The following DAPK1 variants were observed in gnomAD, a reference collection of about 807,000 sequenced individuals.
DAPK1 encodes the protein death-associated protein kinase 1.
DAPK1 carries 56 observed loss-of-function variants against 144.9 expected under a neutral mutation model. The observed-to-expected ratio is 0.39, with a 90% CI of 0.31 to 0.48. The LOEUF is 0.48. Ranked by LOEUF, DAPK1 falls within the 20% of genes least tolerant of loss-of-function variation. The pLI, the probability that DAPK1 is intolerant of heterozygous loss-of-function variation, is 0.95. For synonymous variants in DAPK1, 690 were observed against 749.0 expected (o/e 0.92, Z 1.29); for missense variants, 1,454 against 1,875.4 (o/e 0.78, Z 4.15).
chr9:87,613,626 G>A (rs559187373), intron 3 of DAPK1, among the ~76,000 whole-genome samples: 17 of 152,292 alleles, frequency 1.1e-4, no homozygotes, highest in African/African-American at 1.9e-4. Context: ...GATCAGAATC[G>A]CAAGAGCCTT....
At chr9:87,659,121 G>A (rs1329750530) in intron 18 of DAPK1, among the ~76,000 whole-genome samples, 4 of 152,330 alleles carry the variant, frequency 2.6e-5, no homozygotes, top group East Asian at 1.9e-4. Context: ...GGCCCTTGAC[G>A]GAAAATGTTT....
chr9:87,706,484 C>T lies in DAPK1; in HGVS notation c.3413C>T (p.Thr1138Ile). ...GVRIVPVEHL[T>I]PFPCGIFHKV... ...CGCATCGTGCCCGTGGAACACCTCA[C>T]CCCCTTCCCATGTGGCATCTTTCAC... Residue 1138 changes from threonine (T) to isoleucine (I), a missense_variant, in exon 26 of 26, where the codon ACC (threonine) becomes ATC (isoleucine). By Grantham distance (89) the Thr-to-Ile change is moderately conservative. Around this residue, in one of 2 missense-constraint regions of DAPK1, gnomAD observed 1,025 missense variants for 1,237.9 expected, o/e 0.83. Coordinates refer to ENST00000408954, the MANE Select transcript of DAPK1 (RefSeq NM_004938.4). This position sits in a 1 kb window ranked among gnomAD's most constrained non-coding sequence, Gnocchi z 9.0. 6.2e-7 allele frequency: 1 copy of T among 1,613,724 alleles called. No individual in the cohort carries two copies. The highest frequency in any genetic ancestry group is 2.2e-5 in the East Asian group (1 of 44,860).
intron 2 of DAPK1, among the ~76,000 whole-genome samples, chr9:87,564,386 C>G (rs538960129): frequency 6.6e-6 from 1 of 152,294 alleles, no homozygotes; most frequent in African/African-American, 2.4e-5. Flanking sequence ...TTTTTGTTAA[C>G]TGGGAAATGA....
At position 87,697,083 on chromosome 9, in the gene DAPK1, T is replaced by G; in HGVS notation, c.2490T>G (p.Asn830Lys). Residue 830 changes from asparagine (N) to lysine (K), a missense_variant, in exon 22 of 26, where the codon AAT becomes AAG. Asn to Lys is a moderately conservative substitution (Grantham distance 94). Around this residue, in one of 2 missense-constraint regions of DAPK1, gnomAD observed 1,025 missense variants for 1,237.9 expected, o/e 0.83. Coordinates refer to ENST00000408954, the MANE Select transcript of DAPK1 (RefSeq NM_004938.4). ...GCTGTTATGACTATTTTGCTGCAAA[T>G]GATCCCACGTCAATCCATGTTGTTG... is the stretch of plus-strand genomic sequence containing the variant. ...YFCCYDYFAANDPTSIHVVVF... is the reference protein window; with the variant it reads ...YFCCYDYFAAKDPTSIHVVVF... 1.3e-6 allele frequency: 2 copies of G among 1,567,178 alleles called. No individual in the cohort carries two copies. Among genetic ancestry groups the G allele is most frequent in the Non-Finnish European group, 1.8e-6 (2 of 1,137,098 alleles).
At chr9:87,656,930 G>A (rs566862574) in intron 17 of DAPK1, among the ~76,000 whole-genome samples, 3 of 152,190 alleles carry the variant, frequency 2.0e-5, no homozygotes, top group East Asian at 1.9e-4. Flanking sequence ...TTGAGAGTAA[G>A]GGGGGAGGGG....
chr9:87,645,262 T>C (rs1021642077), intron 11 of DAPK1, among the ~76,000 whole-genome samples: 3 of 152,214 alleles, frequency 2.0e-5, no homozygotes, highest in African/African-American at 4.8e-5. Context: ...ATTTTTCCTT[T>C]GTAATTAGAA....
At chr9:87,547,917 C>T (rs1826320520) in intron 2 of DAPK1, among the ~76,000 whole-genome samples, 1 of 152,160 alleles carries the variant, frequency 6.6e-6, no homozygotes, top group African/African-American at 2.4e-5. Context: ...TAATGTTTGG[C>T]CACATATCTG....
In DAPK1 at chr9:87,644,092, G is replaced by A. The variant is rs36212377; in HGVS notation, c.1011+624G>A. On this transcript the variant is annotated intron_variant, in intron 11 of 25. Coordinates refer to ENST00000408954, the MANE Select transcript of DAPK1 (RefSeq NM_004938.4). ...TAACTCCAACTTTCTTAGTTTTAAT[G>A]TGAACTTTGACAAAGTGGCAAAGAT... Among the ~76,000 whole-genome samples, 1,351 of 152,270 alleles carry A rather than the reference G, an allele frequency of 8.9e-3. 23 individuals carry two copies. Among genetic ancestry groups the A allele is most frequent in the East Asian group, 0.066 (340 of 5,174 alleles).
intron 21 of DAPK1, among the ~76,000 whole-genome samples, chr9:87,689,741 G>C (rs1044586662): frequency 5.9e-5 from 9 of 152,208 alleles, no homozygotes; most frequent in African/African-American, 2.2e-4. Context: ...TGTTTTCCCA[G>C]CAGCGTTTAT....
intron 1 of DAPK1, chr9:87,498,746 C>T (rs1041677063): frequency 1.2e-5 from 5 of 429,222 alleles, no homozygotes; most frequent in Non-Finnish European, 2.1e-5. Context: ...GGGACGCCGA[C>T]CTCGGGGTGC....
intron 2 of DAPK1, among the ~76,000 whole-genome samples, chr9:87,581,499 T>A (rs36205094): frequency 4.6e-5 from 7 of 152,334 alleles, no homozygotes; most frequent in Admixed American, 3.3e-4. Context: ...ATTGCATACT[T>A]ATCATGACCA....
At position 87,706,572 on chromosome 9, in the gene DAPK1, C is replaced by T. The variant is rs201316069; in HGVS notation, c.3501C>T (p.Ile1167=). ...AAAGCACAGAGGGCGACGCGGACATCCGCCTGTGGGTGAATGGCTGCAAGC... is the reference window on the plus strand; with the variant it reads ...AAAGCACAGAGGGCGACGCGGACATTCGCCTGTGGGTGAATGGCTGCAAGC... ...HQQSTEGDAD[I]RLWVNGCKLA... Residue 1167 remains isoleucine (I), a synonymous_variant, in exon 26 of 26, where the codon ATC becomes ATT. Coordinates refer to ENST00000408954, the MANE Select transcript of DAPK1 (RefSeq NM_004938.4). The surrounding 1 kb of genome is among the most constrained non-coding windows in gnomAD (Gnocchi z 9.0). 9.3e-6 allele frequency: 15 copies of T among 1,613,730 alleles called. No individual in the cohort carries two copies. Among genetic ancestry groups the T allele is most frequent in the Non-Finnish European group, 6.8e-6 (8 of 1,179,670 alleles).
chr9:87,668,360 G>C, intron 18 of DAPK1: 1 of 513,636 alleles, frequency 1.9e-6, no homozygotes, highest in East Asian at 3.4e-5. Context: ...TGTCGCTATT[G>C]GACAGGAAGA....
chr9:87,592,594 G>C (rs757494718), intron 2 of DAPK1, among the ~76,000 whole-genome samples: 2 of 152,154 alleles, frequency 1.3e-5, no homozygotes, highest in African/African-American at 4.8e-5. Flanking sequence ...TGGCACTTCC[G>C]AGAGTTAACG....
intron 2 of DAPK1, among the ~76,000 whole-genome samples, chr9:87,526,087 C>T (rs4877362): frequency 0.13 from 20,233 of 150,916 alleles, 1,541 homozygotes; most frequent in Admixed American, 0.17. Flanking sequence ...GCAAGAGGAT[C>T]GCTTACAGCC....
chr9:87,542,792 G>A (rs984014631), intron 2 of DAPK1, among the ~76,000 whole-genome samples: 32 of 152,322 alleles, frequency 2.1e-4, no homozygotes, highest in African/African-American at 7.5e-4. Context: ...CCAGAGATCT[G>A]TCTGGCTTTG....
At chr9:87,674,139 G>T (rs1365618797) in intron 19 of DAPK1, among the ~76,000 whole-genome samples, 1 of 152,114 alleles carries the variant, frequency 6.6e-6, no homozygotes, top group Non-Finnish European at 1.5e-5. Flanking sequence ...ATTTCAAGGG[G>T]GTTGAGGAGT....
intron 2 of DAPK1, among the ~76,000 whole-genome samples, chr9:87,544,457 T>C (rs1032928521): frequency 6.5e-4 from 99 of 152,182 alleles, no homozygotes; most frequent in African/African-American, 2.3e-3. Context: ...CATGAGAATA[T>C]ATGTGAGTGT....
At chr9:87,566,268 G>A (rs1430477846) in intron 2 of DAPK1, among the ~76,000 whole-genome samples, 1 of 151,982 alleles carries the variant, frequency 6.6e-6, no homozygotes, top group Non-Finnish European at 1.5e-5. Context: ...TGATCCACCC[G>A]CCTCGGCCTC....
Sources: gnomAD v4.1 joint callset for allele counts (sites outside exome capture counted in the v4.1 genomes callset) on GRCh38, gnomAD v4.1.1 for gene constraint, gnomAD v4.1.1 regional missense constraint, Gnocchi (gnomAD v3.1) non-coding constraint, MANE v1.5 for transcripts, NCBI Gene and HGNC (gene_info 2026-07-23, HGNC 2026-07-21) for gene names.